Variants in MED13 observed in about 807,000 individuals in gnomAD.
The protein encoded by MED13 is mediator complex subunit 13.
Under a neutral mutation model 225.2 loss-of-function variants are expected in MED13, and 23 were observed. The observed-to-expected ratio is 0.10, with a 90% CI of 0.07 to 0.14. The LOEUF (loss-of-function observed/expected upper bound fraction) is 0.14. Among genes scored for constraint, MED13 ranks in the 10% least tolerant of loss-of-function variants. MED13 has a pLI of 1.00. For synonymous variants in MED13, 942 were observed against 889.2 expected (o/e 1.06, Z -1.06); for missense variants, 2,197 against 2,594.5 (o/e 0.85, Z 3.33).
intron 9 of MED13, chr17:62,006,792 T>C (rs966960811): frequency 4.6e-5 from 7 of 151,950 alleles, no homozygotes; most frequent in African/African-American, 1.7e-4. Context: ...CCGGGCATGG[T>C]GGCACGCACT....
intron 17 of MED13, among the ~76,000 whole-genome samples, chr17:61,969,606 T>G (rs754613912): frequency 3.2e-4 from 48 of 152,288 alleles, no homozygotes; most frequent in South Asian, 1.5e-3. Context: ...TTTTAGTTTT[T>G]TTTTGTTTTG....
rs888761387 is a variant in MED13 at position 62,065,191 on chromosome 17, G to A, written c.15C>T (p.Phe5=). MSAS[F]VPNGASLEDC... ...CTTCCAGGCTGGCCCCGTTCGGCACGAAGGAGGCACTCATCGTCCCTCACA... is the reference window on the plus strand; with the variant it reads ...CTTCCAGGCTGGCCCCGTTCGGCACAAAGGAGGCACTCATCGTCCCTCACA... The change falls in exon 1 of 30, where the codon TTC becomes TTT. Residue 5 remains phenylalanine (F), a synonymous_variant. Coordinates refer to ENST00000397786, the MANE Select transcript of MED13 (RefSeq NM_005121.3). 2 of 1,575,818 alleles carry A rather than the reference G, an allele frequency of 1.3e-6. No individual in the cohort carries two copies. Among genetic ancestry groups the A allele is most frequent in the Admixed American group, 1.8e-5 (1 of 56,256 alleles).
intron 8 of MED13, among the ~76,000 whole-genome samples, chr17:62,012,132 C>T (rs2080515714): frequency 6.6e-6 from 1 of 151,608 alleles, no homozygotes. Flanking sequence ...AGGAGAATAG[C>T]TTGAACCCAG....
chr17:62,001,816 C>T (rs986524373), intron 9 of MED13, among the ~76,000 whole-genome samples: 4 of 152,152 alleles, frequency 2.6e-5, no homozygotes, highest in Non-Finnish European at 4.4e-5. Context: ...TATACACTAA[C>T]AGTGCCCCAC....
intron 11 of MED13, among the ~76,000 whole-genome samples, chr17:61,988,882 G>C (rs1603398044): frequency 6.6e-6 from 1 of 151,752 alleles, no homozygotes; most frequent in African/African-American, 2.4e-5. Flanking sequence ...ATTAATTGTA[G>C]TAACCACAAT....
intron 10 of MED13, among the ~76,000 whole-genome samples, chr17:61,993,928 T>C (rs917095484): frequency 1.4e-5 from 2 of 138,756 alleles, no homozygotes; most frequent in Non-Finnish European, 3.0e-5. Flanking sequence ...CGAAACTCCG[T>C]CTCAAAACAA....
chr17:61,969,213 G>C (rs1164293588), intron 17 of MED13, among the ~76,000 whole-genome samples: 1 of 152,064 alleles, frequency 6.6e-6, no homozygotes, highest in Non-Finnish European at 1.5e-5. Flanking sequence ...AAATTAGCCG[G>C]GCATGGTGGT....
chr17:61,962,768 C>G lies in MED13; in HGVS notation c.5048G>C (p.Ser1683Thr). 1 of 1,613,964 alleles carries G rather than the reference C, an allele frequency of 6.2e-7. No homozygotes were observed. The highest frequency in any genetic ancestry group is 8.5e-7 in the Non-Finnish European group (1 of 1,179,852). ...CACTCTTACCTGTACAGAAACAGTA[C>G]TCTTGATATGAGGAGGAAGAGTCTG... is the stretch of plus-strand genomic sequence containing the variant. ...MVQTLPPHIK[S>T]TVSVQIIPCQ... The change falls in exon 21 of 30, where the codon AGT (serine) becomes ACT (threonine). Residue 1683 changes from serine (S) to threonine (T), a missense_variant. Ser to Thr is a moderately conservative substitution (Grantham distance 58, BLOSUM62 1). Transcript: ENST00000397786.
intron 3 of MED13, among the ~76,000 whole-genome samples, chr17:62,036,352 C>A (rs972755554): frequency 1.3e-5 from 2 of 152,016 alleles, no homozygotes; most frequent in Non-Finnish European, 2.9e-5. Context: ...AAACAGTACA[C>A]CTTAATGAAA....
At chr17:62,009,519 A>G (rs1388183760) in intron 9 of MED13, among the ~76,000 whole-genome samples, 1 of 152,242 alleles carries the variant, frequency 6.6e-6, no homozygotes, top group African/African-American at 2.4e-5. Context: ...ATATTTAGAC[A>G]ATGAGATGAC....
intron 15 of MED13, 125 bp from the exon 16 acceptor site, chr17:61,983,239 T>C (rs777880775): frequency 3.2e-4 from 241 of 755,990 alleles, no homozygotes; most frequent in Non-Finnish European, 4.3e-4. Flanking sequence ...AGGACAAGTA[T>C]TGCAAGAATT....
At chr17:61,999,305 T>C (rs1037390904) in intron 9 of MED13, among the ~76,000 whole-genome samples, 7 of 152,242 alleles carry the variant, frequency 4.6e-5, no homozygotes, top group African/African-American at 1.7e-4. Context: ...ATACAGTTCT[T>C]TCTTTGCTCA....
At chr17:61,998,153 T>C (rs1603399779) in intron 9 of MED13, among the ~76,000 whole-genome samples, 1 of 152,192 alleles carries the variant, frequency 6.6e-6, no homozygotes, top group East Asian at 1.9e-4. Flanking sequence ...AAACTCTAAT[T>C]ACCATACTGT....
intron 8 of MED13, among the ~76,000 whole-genome samples, chr17:62,020,040 G>A (rs1432011566): frequency 1.3e-5 from 2 of 152,014 alleles, no homozygotes; most frequent in Admixed American, 6.6e-5. Flanking sequence ...CACTGCGCAA[G>A]GCCAAACAAC....
intron 3 of MED13, among the ~76,000 whole-genome samples, chr17:62,043,913 A>G (rs1043618977): frequency 3.3e-5 from 5 of 152,136 alleles, no homozygotes; most frequent in Non-Finnish European, 7.4e-5. Flanking sequence ...TAAATTACCT[A>G]TGTGGCTCAC....
chr17:61,973,118 T>C (rs1454570462), intron 16 of MED13, among the ~76,000 whole-genome samples: 1 of 151,382 alleles, frequency 6.6e-6, no homozygotes, highest in African/African-American at 2.5e-5. Flanking sequence ...CTGTAACTTA[T>C]TTCCATAAAA....
rs1350343819 is a variant in MED13, at chr17:62,034,869, A to G, written c.616+594T>C. On this transcript the variant is annotated intron_variant, in intron 4 of 29. Coordinates refer to ENST00000397786, the MANE Select transcript of MED13 (RefSeq NM_005121.3). ...GTGGCTCACTCACACCTATAATCCC[A>G]GCACTTTGGGAGGCCGAGGCAGGTG... 2.1e-4 allele frequency among the ~76,000 whole-genome samples: 32 copies of G among 152,124 alleles called. 1 individual carries two copies.
intron 17 of MED13, among the ~76,000 whole-genome samples, 168 bp from the exon 18 acceptor site, chr17:61,968,426 C>T (rs369033719): frequency 5.0e-4 from 76 of 152,168 alleles, no homozygotes; most frequent in Non-Finnish European, 7.9e-4. Flanking sequence ...CCCGCGTTCA[C>T]GCCATTTTCC....
intron 9 of MED13, among the ~76,000 whole-genome samples, chr17:61,997,769 G>A (rs184179756): frequency 3.9e-3 from 590 of 152,188 alleles, no homozygotes; most frequent in Non-Finnish European, 4.1e-3. Flanking sequence ...ACTACTCTCT[G>A]TAGAGACAAA....
Sources: gnomAD v4.1 joint callset for allele counts (sites outside exome capture counted in the v4.1 genomes callset) on GRCh38, gnomAD v4.1.1 for gene constraint, MANE v1.5 for transcripts, NCBI Gene and HGNC (gene_info 2026-07-23, HGNC 2026-07-21) for gene names.